SPINK2: variants seen among roughly 807,000 people sequenced by gnomAD.
SPINK2 encodes serine peptidase inhibitor Kazal type 2.
A neutral mutation model predicts 13.5 loss-of-function variants in SPINK2; 8 were observed. That is an observed-to-expected ratio of 0.59 (90% CI 0.35 to 1.07). The LOEUF is 1.07. Ranked by LOEUF, SPINK2 falls within the 50% of genes least tolerant of loss-of-function variation. The pLI, the probability that SPINK2 is intolerant of heterozygous loss-of-function variation, is 0.02. For missense variants in SPINK2, 148 were observed against 180.3 expected, an observed-to-expected ratio of 0.82 and a Z score of 1.03; for synonymous variants, 76 against 74.7, an observed-to-expected ratio of 1.02 and a Z score of -0.09.
intron 2 of SPINK2, 132 bp from the exon 3 acceptor site, chr4:56,811,926 A>G (rs76635267): frequency 1.1e-5 from 4 of 353,524 alleles, no homozygotes; most frequent in African/African-American, 8.8e-5. Context: ...TATTTTCCAG[A>G]AAAATTTTTT....
chr4:56,811,284 A>G (rs1261595377), intron 3 of SPINK2, among the ~76,000 whole-genome samples: 2 of 152,178 alleles, frequency 1.3e-5, no homozygotes, highest in Non-Finnish European at 2.9e-5. Flanking sequence ...CTTACATCCA[A>G]GAAAATTGTC....
At chr4:56,811,614 CAA>C (rs961354239) in intron 3 of SPINK2, 69 bp downstream of exon 3, 453 of 829,086 alleles carry the variant, frequency 5.5e-4, no homozygotes, top group Admixed American at 9.7e-4. Flanking sequence ...GAGACTCTGT[CAA>C]AAAAAAAAAG....
In SPINK2 at chr4:56,810,084, A is replaced by G. The variant is rs1716852523; in HGVS notation, c.*55T>C. 1.3e-6 allele frequency: 2 copies of G among 1,561,624 alleles called. No individual in the cohort carries two copies. Among genetic ancestry groups the G allele is most frequent in the South Asian group, 1.2e-5 (1 of 83,016 alleles). ...AAGAGAAAAAGGGGAAATGCAATTT[A>G]TCTAGTCTGCCAGTGAAGGTGGTCT... On this transcript the variant is annotated 3_prime_UTR_variant, in exon 4 of 4. Coordinates refer to ENST00000506738, the MANE Select transcript of SPINK2 (RefSeq NM_001271718.2).
At chr4:56,811,937 C>CTTTTTTT (rs375969300) in intron 2 of SPINK2, 143 bp from the exon 3 acceptor site, 3 of 170,470 alleles carry the variant, frequency 1.8e-5, no homozygotes, top group African/African-American at 5.7e-5. Flanking sequence ...AAAATTTTTT[C>CTTTTTTT]TTTTTTTTTT....
intron 2 of SPINK2, among the ~76,000 whole-genome samples, chr4:56,817,063 G>A (rs890295686): frequency 6.6e-5 from 10 of 151,782 alleles, no homozygotes; most frequent in Non-Finnish European, 1.3e-4. Context: ...TTAGCTGGGC[G>A]TGGTGGCACA....
rs576641745 is a variant in SPINK2, at chr4:56,810,758, A to G, written c.360-574T>C. ...GCTACTTGGAAGGCTGAGTCAGGAGAATCGCTTGAACCTGGGAGGCAGAGG... is the reference window on the plus strand; with the variant it reads ...GCTACTTGGAAGGCTGAGTCAGGAGGATCGCTTGAACCTGGGAGGCAGAGG... On this transcript the variant is annotated intron_variant, in intron 3 of 3. Coordinates refer to ENST00000506738, the MANE Select transcript of SPINK2 (RefSeq NM_001271718.2). The G allele has an allele frequency of 2.0e-5, 3 of 152,362 alleles. No individual in the cohort carries two copies. In the East Asian group the frequency reaches 5.8e-4, roughly 29 times the overall value. The allele number at this position is 152,362 out of a possible 1,614,324, so 9.4% of individuals were successfully genotyped here. A position where few individuals can be genotyped will look rare whatever the true frequency, so the allele number is the denominator to read the frequency against.
At chr4:56,812,154 A>C (rs1240716908) in intron 2 of SPINK2, among the ~76,000 whole-genome samples, 1 of 149,732 alleles carries the variant, frequency 6.7e-6, no homozygotes, top group Non-Finnish European at 1.5e-5. Flanking sequence ...TTGGCCTCCC[A>C]AAGTGCTAGG....
intron 2 of SPINK2, among the ~76,000 whole-genome samples, chr4:56,816,354 C>A (rs1470952735): frequency 1.3e-5 from 2 of 151,824 alleles, no homozygotes; most frequent in Non-Finnish European, 2.9e-5. Context: ...AACCTTGTCT[C>A]TACTAAAAAA....
intron 2 of SPINK2, among the ~76,000 whole-genome samples, chr4:56,817,699 T>C (rs1717571880): frequency 6.6e-6 from 1 of 151,784 alleles, no homozygotes; most frequent in Non-Finnish European, 1.5e-5. Context: ...ACTAAAGATA[T>C]AGAAATTAGC....
Position 56,821,602 on chromosome 4 carries a change from C to A in SPINK2, c.61G>T (p.Ala21Ser). The change falls in exon 1 of 4, where the codon GCT (alanine) becomes TCT (serine). Residue 21 changes from alanine (A) to serine (S), a missense_variant. Coordinates refer to ENST00000506738, the MANE Select transcript of SPINK2 (RefSeq NM_001271718.2). The stretch of plus-strand genomic sequence containing the variant: ...CCCCGCTCGCCAGGACCGCTCCGAG[C>A]GCTACCTGCGAAGGTAACTGCCAGG... ...LLLAVTFAGSARSGPGERGPP... is the reference protein window; with the variant it reads ...LLLAVTFAGSSRSGPGERGPP... 6.5e-7 allele frequency: 1 copy of A among 1,549,138 alleles called. No individual in the cohort carries two copies. The highest frequency in any genetic ancestry group is 8.7e-7 in the Non-Finnish European group (1 of 1,147,302).
chr4:56,818,149 T>TAGAGC (rs771107894), intron 2 of SPINK2: 9 of 152,128 alleles, frequency 5.9e-5, no homozygotes, highest in Non-Finnish European at 8.8e-5. Flanking sequence ...CGTCCTAAAT[T>TAGAGC]AGAGCAGTGG....
At chr4:56,820,854 C>G (rs1717880934) in intron 1 of SPINK2, among the ~76,000 whole-genome samples, 1 of 152,198 alleles carries the variant, frequency 6.6e-6, no homozygotes, top group Non-Finnish European at 1.5e-5. Context: ...CTTCTTTAAA[C>G]TGTCCCCATC....
At chr4:56,812,878 G>T (rs911230067) in intron 2 of SPINK2, among the ~76,000 whole-genome samples, 1 of 152,100 alleles carries the variant, frequency 6.6e-6, no homozygotes, top group Non-Finnish European at 1.5e-5. Context: ...TTCAAAACAG[G>T]TTCATCATCT....
intron 2 of SPINK2, among the ~76,000 whole-genome samples, chr4:56,812,740 T>C (rs1271167277): frequency 6.6e-6 from 1 of 152,120 alleles, no homozygotes; most frequent in Non-Finnish European, 1.5e-5. Flanking sequence ...ATCCCTTGCC[T>C]TAATGCCAAG....
rs554342315 is a variant in SPINK2, at chr4:56,821,484, G to A, written c.179C>T (p.Thr60Ile). The A allele has an allele frequency of 7.2e-4, 1,105 of 1,533,456 alleles. 1 individual carries two copies. Among genetic ancestry groups the A allele is most frequent in the Non-Finnish European group, 9.2e-4 (1,051 of 1,144,056 alleles). 95.0% of individuals were successfully genotyped at this position (1,533,456 alleles called of 1,614,324 possible). ...GLGDGTRAPV[T>I]GGSPEDLPAS... ...TGGCAGGTCCTCTGGGGAACCGCCAGTAACGGGCGCGCGGGTACCGTCGCC... is the reference window on the plus strand; with the variant it reads ...TGGCAGGTCCTCTGGGGAACCGCCAATAACGGGCGCGCGGGTACCGTCGCC... The change falls in exon 1 of 4, where the codon ACT (threonine) becomes ATT (isoleucine). Residue 60 changes from threonine (T) to isoleucine (I), a missense_variant. Transcript: ENST00000506738.
At position 56,811,664 on chromosome 4, in the gene SPINK2, A is replaced by G. The variant is rs1049840888; in HGVS notation, c.359+21T>C. 5 of 1,498,936 alleles carry G rather than the reference A, an allele frequency of 3.3e-6. No individual in the cohort carries two copies. The African/African-American group carries it at 5.6e-5, about 17-fold the overall frequency. The allele number at this position is 1,498,936 out of a possible 1,614,324, so 92.9% of individuals were successfully genotyped here. A position where few individuals can be genotyped will look rare whatever the true frequency, so the allele number is the denominator to read the frequency against. ...GAAATGAAGAAAACTTGGCTAGTCT[A>G]CAGCTGTAAAATCATGTTACCTGAT... On this transcript the variant is annotated intron_variant, in intron 3 of 3. Transcript: ENST00000506738.
intron 2 of SPINK2, 68 bp from the exon 3 acceptor site, chr4:56,811,862 G>A: frequency 1.2e-5 from 8 of 693,402 alleles, no homozygotes; most frequent in South Asian, 4.6e-5. Context: ...GTTCAGAGGA[G>A]AAAATGTCCC....
chr4:56,814,853 C>T (rs993469941), intron 2 of SPINK2, among the ~76,000 whole-genome samples: 6 of 149,308 alleles, frequency 4.0e-5, no homozygotes, highest in Admixed American at 6.8e-5. Context: ...CCCAGCTACT[C>T]GGGAGGCTGA....
intron 2 of SPINK2, 104 bp from the exon 3 acceptor site, chr4:56,811,898 A>T: frequency 2.5e-6 from 1 of 394,740 alleles, no homozygotes; most frequent in Non-Finnish European, 4.3e-6. Context: ...TCCTAGAATC[A>T]TTTAATAAAA....
Sources: gnomAD v4.1 joint callset for allele counts (sites outside exome capture counted in the v4.1 genomes callset) on GRCh38, gnomAD v4.1.1 for gene constraint, MANE v1.5 for transcripts, NCBI Gene and HGNC (gene_info 2026-07-23, HGNC 2026-07-21) for gene names.